The following PLPPR3 variants were observed in gnomAD, a reference collection of about 807,000 sequenced individuals.
PLPPR3 encodes phospholipid phosphatase related 3.
In PLPPR3, 14 loss-of-function variants were observed where a neutral mutation model predicts 27.3. The observed-to-expected ratio is 0.51, with a 90% confidence interval of 0.34 to 0.80. The LOEUF (loss-of-function observed/expected upper bound fraction) is 0.80, where lower values mean the gene tolerates loss of function less well. Among genes scored for constraint, PLPPR3 ranks in the 30% least tolerant of loss-of-function variants. The pLI is 0.01. For missense variants in PLPPR3, 1,287 were observed against 1,056.9 expected, an observed-to-expected ratio of 1.22 and a Z score of -3.02; for synonymous variants, 671 against 508.0, an observed-to-expected ratio of 1.32 and a Z score of -4.32.
chr19:820,636 C>T (rs1372105687), intron 2 of PLPPR3, among the ~76,000 whole-genome samples: 1 of 152,204 alleles, frequency 6.6e-6, no homozygotes, highest in Non-Finnish European at 1.5e-5. Flanking sequence ...TCTCCTGCCC[C>T]AGCCTCCCGA....
rs1355169088 is a variant in PLPPR3, at chr19:813,460, G to T, written c.1267C>A (p.Leu423Met). 4.6e-6 allele frequency: 7 copies of T among 1,534,894 alleles called. No individual in the cohort carries two copies. The highest frequency in any genetic ancestry group is 5.2e-6 in the Non-Finnish European group (6 of 1,145,408). The part of the protein sequence containing the change: ...QKSLEGRGLG[L>M]PDDASPGHLR... Reference sequence around the variant, plus strand: ...TGCCCGGGGCTGGCGTCGTCGGGCAGCCCCAGGCCGCGGCCCTCCAGGCTC... The same window carrying T: ...TGCCCGGGGCTGGCGTCGTCGGGCATCCCCAGGCCGCGGCCCTCCAGGCTC... Residue 423 changes from leucine to methionine, a missense_variant, in exon 8 of 8, where the codon CTG (leucine) becomes ATG (methionine). Leu to Met is a conservative substitution (Grantham distance 15, BLOSUM62 2). Transcript: ENST00000520876. This position sits in a 1 kb window ranked among gnomAD's most constrained non-coding sequence, Gnocchi z 4.1.
intron 2 of PLPPR3, among the ~76,000 whole-genome samples, chr19:818,416 T>C (rs560688112): frequency 6.6e-5 from 10 of 151,598 alleles, no homozygotes; most frequent in African/African-American, 2.4e-4. Context: ...ATAATAATAA[T>C]AAGGCCGACC....
Position 813,794 on chromosome 19 carries a change from G to C in PLPPR3, c.933C>G (p.His311Gln), listed in dbSNP as rs748738596. ...ACTTATTCTGCTGATAAACCGAGTC[G>C]TGGCCCCGCTGCGTCAGGGCCCGCA... ...DALRALTQRG[H>Q]DSVYQQNKSV... Residue 311 changes from histidine (H) to glutamine (Q), a missense_variant, in exon 8 of 8, where the codon CAC becomes CAG. His to Gln is a conservative substitution (Grantham distance 24). Transcript: ENST00000520876. This position sits in a 1 kb window ranked among gnomAD's most constrained non-coding sequence, Gnocchi z 4.1. The C allele has an allele frequency of 2.3e-5, 35 of 1,525,124 alleles. No individual in the cohort carries two copies. The highest frequency in any genetic ancestry group is 1.2e-4 in the East Asian group (5 of 40,112). 94.5% of individuals were successfully genotyped at this position (1,525,124 alleles called of 1,614,324 possible).
At chr19:815,449 C>T (rs1337821931) in intron 3 of PLPPR3, 122 bp from the exon 4 acceptor site, 26 of 1,135,268 alleles carry the variant, frequency 2.3e-5, no homozygotes, top group Middle Eastern at 3.0e-4. Context: ...ACCGAGGTGG[C>T]GGGGGTGGGC....
At position 813,025 on chromosome 19, in the gene PLPPR3, G is replaced by A. The variant is rs1211017597; in HGVS notation, c.1702C>T (p.Gln568Ter). Residue 568 changes from glutamine to a stop codon, truncating the protein, a stop_gained, in exon 8 of 8, where the codon CAG becomes TAG. Coordinates refer to ENST00000520876, the MANE Select transcript of PLPPR3 (RefSeq NM_001270366.2). LOFTEE classifies it low-confidence loss of function (END_TRUNC). This position sits in a 1 kb window ranked among gnomAD's most constrained non-coding sequence, Gnocchi z 4.1. ...TCGCGGTCCGACGGCGACCGGTACT[G>A]CGAGGAGTCGGAGCTGGCGCTGGAC... ...SSSSASSDSS[Q>*]YRSPSDRDSA... 3.3e-6 allele frequency: 5 copies of A among 1,519,406 alleles called. No homozygotes were observed. The highest frequency in any genetic ancestry group is 5.3e-5 in the East Asian group (2 of 37,648). The allele number at this position is 1,519,406 out of a possible 1,614,324, so 94.1% of individuals were successfully genotyped here.
In PLPPR3 at chr19:813,745, G is replaced by A; in HGVS notation, c.982C>T (p.Pro328Ser). The A allele has an allele frequency of 6.6e-7, 1 of 1,526,204 alleles. No individual in the cohort carries two copies. The highest frequency in any genetic ancestry group is 8.8e-7 in the Non-Finnish European group (1 of 1,142,484). The allele number at this position is 1,526,204 out of a possible 1,614,324, so 94.5% of individuals were successfully genotyped here. A position where few individuals can be genotyped will look rare whatever the true frequency, so the allele number is the denominator to read the frequency against. ...NKSVSTDELGPPGRLEGAPRP... is the reference protein window; with the variant it reads ...NKSVSTDELGSPGRLEGAPRP... Reference sequence around the variant, plus strand: ...GGCGCGCCCTCCAGCCGCCCTGGGGGCCCCAGCTCGTCGGTGCTCACCGAC... The same window carrying A: ...GGCGCGCCCTCCAGCCGCCCTGGGGACCCCAGCTCGTCGGTGCTCACCGAC... Residue 328 changes from proline to serine, a missense_variant, in exon 8 of 8, where the codon CCC becomes TCC. Pro to Ser is a moderately conservative substitution (Grantham distance 74, BLOSUM62 -1). Coordinates refer to ENST00000520876, the MANE Select transcript of PLPPR3 (RefSeq NM_001270366.2). The surrounding 1 kb of genome is among the most constrained non-coding windows in gnomAD (Gnocchi z 4.1).
rs567480441 is a variant in PLPPR3 at position 815,265 on chromosome 19, C to A, written c.324G>T (p.Gly108=). 43 of 1,560,230 alleles carry A rather than the reference C, an allele frequency of 2.8e-5. No individual in the cohort carries two copies. Among genetic ancestry groups the A allele is most frequent in the Non-Finnish European group, 3.5e-5 (41 of 1,155,272 alleles). The change falls in exon 4 of 8, where the codon GGG becomes GGT. Residue 108 remains glycine (G), a synonymous_variant. Transcript: ENST00000520876. ...LQSRLWGRAG[G]PAGAEGSINA... The stretch of plus-strand genomic sequence containing the variant: ...TGATGCTGCCCTCCGCCCCGGCGGG[C>A]CCCCCGGCACGGCCCCACAGCCGGG...
chr19:814,644 A>G (rs779313011), intron 6 of PLPPR3, 37 bp from the exon 7 acceptor site: 9 of 1,610,106 alleles, frequency 5.6e-6, no homozygotes, highest in East Asian at 2.2e-5. Context: ...AGGGCTCCCC[A>G]CGGGTCAGCA....
chr19:813,279 A>G lies in PLPPR3; in HGVS notation c.1448T>C (p.Ile483Thr). Residue 483 changes from isoleucine to threonine, a missense_variant, in exon 8 of 8, where the codon ATC (isoleucine) becomes ACC (threonine). By Grantham distance (89) the Ile-to-Thr change is moderately conservative. Coordinates refer to ENST00000520876, the MANE Select transcript of PLPPR3 (RefSeq NM_001270366.2). The surrounding 1 kb of genome is among the most constrained non-coding windows in gnomAD (Gnocchi z 4.1). ...CGGCGGCCCCGCGCGCGGTGGGAGG[A>G]TGACCCGAGGCCCCAGCCCCGGCCG... ...QARPGLGPRV[I>T]LPPRAGPPPL... is the part of the protein sequence containing the mutation. 6.8e-7 allele frequency: 1 copy of G among 1,474,374 alleles called. No homozygotes were observed. Among genetic ancestry groups the G allele is most frequent in the Non-Finnish European group, 8.9e-7 (1 of 1,123,394 alleles). 91.3% of individuals were successfully genotyped at this position (1,474,374 alleles called of 1,614,324 possible).
At chr19:819,232 C>G (rs1367176504) in intron 2 of PLPPR3, among the ~76,000 whole-genome samples, 1 of 104,838 alleles carries the variant, frequency 9.5e-6, no homozygotes, top group Non-Finnish European at 1.8e-5. Flanking sequence ...CCGTCCCGGC[C>G]TCCCAAAGTG....
intron 3 of PLPPR3, 125 bp from the exon 4 acceptor site, chr19:815,452 G>A (rs1419984872): frequency 9.0e-7 from 1 of 1,113,026 alleles, no homozygotes; most frequent in Admixed American, 2.9e-5. Context: ...GAGGTGGCGG[G>A]GGTGGGCTCC....
At chr19:823,450 A>AAAAAAAAAAAAAC (rs111454578), upstream of PLPPR3, among the ~76,000 whole-genome samples, 900 of 143,796 alleles carry the variant, frequency 6.3e-3, 12 homozygotes, top group African/African-American at 0.02. Context: ...TCAAAAAAAA[A>AAAAAAAAAAAAAC]AAAAAAAACA....
rs1318479870 is a variant in PLPPR3 at position 813,173 on chromosome 19, C to T, written c.1554G>A (p.Lys518=). 2.0e-6 allele frequency: 3 copies of T among 1,518,518 alleles called. No individual in the cohort carries two copies. The highest frequency in any genetic ancestry group is 2.6e-6 in the Non-Finnish European group (3 of 1,143,920). The allele number at this position is 1,518,518 out of a possible 1,614,324, so 94.1% of individuals were successfully genotyped here. A position where few individuals can be genotyped will look rare whatever the true frequency, so the allele number is the denominator to read the frequency against. ...SPKSGAGVRA[K]WLMMAEKSGA... ...CGCTCTTCTCGGCCATCATGAGCCA[C>T]TTGGCGCGCACCCCGGCGCCGCTTT... The change falls in exon 8 of 8, where the codon AAG becomes AAA. Residue 518 remains lysine, a synonymous_variant. Transcript: ENST00000520876. This position sits in a 1 kb window ranked among gnomAD's most constrained non-coding sequence, Gnocchi z 4.1.
In PLPPR3 at chr19:815,090, C is replaced by A; in HGVS notation, c.404-9G>T. 1 of 1,602,512 alleles carries A rather than the reference C, an allele frequency of 6.2e-7. No individual in the cohort carries two copies. ...GCCGAACACGTGGACACCTGCAGGGCGGAAGGCTCGGCCAGGCGGGGAGCT... is the reference window on the plus strand; with the variant it reads ...GCCGAACACGTGGACACCTGCAGGGAGGAAGGCTCGGCCAGGCGGGGAGCT... On this transcript the variant is annotated splice_polypyrimidine_tract_variant and intron_variant, in intron 4 of 7. Transcript: ENST00000520876.
chr19:816,397 A>G, intron 2 of PLPPR3, among the ~76,000 whole-genome samples: 2 of 47,714 alleles, frequency 4.2e-5, no homozygotes, highest in African/African-American at 1.4e-4. Context: ...CCCACCCATC[A>G]TCCATCCACC....
chr19:822,532 AC>A (rs1467541389), upstream of PLPPR3, among the ~76,000 whole-genome samples: 3 of 151,284 alleles, frequency 2.0e-5, no homozygotes, highest in African/African-American at 7.3e-5. Context: ...CCCCGCACTC[AC>A]CCTCGCCCCC....
rs915108784 is a variant in PLPPR3 at position 814,626 on chromosome 19, G to A, written c.658-19C>T. On this transcript the variant is annotated intron_variant, in intron 6 of 7. Transcript: ENST00000520876. ...AGTACATCTGGGGCATGGGGGTTGG[G>A]GTCAGGGAGGGCTCCCCACGGGTCA... 4.7e-5 allele frequency: 75 copies of A among 1,611,218 alleles called. No homozygotes were observed. The highest frequency in any genetic ancestry group is 6.2e-5 in the Non-Finnish European group (73 of 1,179,970).
At chr19:819,279 CTTTTTT>C (rs1252377454) in intron 2 of PLPPR3, among the ~76,000 whole-genome samples, 1 of 60,988 alleles carries the variant, frequency 1.6e-5, no homozygotes, top group Admixed American at 2.0e-4. Context: ...ACCCAGCCTA[CTTTTTT>C]TTTTTTTTTT....
Position 813,296 on chromosome 19 carries a change from C to A in PLPPR3, c.1431G>T (p.Gly477=). 2 of 1,464,070 alleles carry A rather than the reference C, an allele frequency of 1.4e-6. No homozygotes were observed. The allele number at this position is 1,464,070 out of a possible 1,614,324, so 90.7% of individuals were successfully genotyped here. A position where few individuals can be genotyped will look rare whatever the true frequency, so the allele number is the denominator to read the frequency against. ...GTGGGAGGATGACCCGAGGCCCCAG[C>A]CCCGGCCGCGCCTGCACGGTGGGGT... The part of the protein sequence containing the change: ...SLYPTVQARP[G]LGPRVILPPR... Residue 477 remains glycine, a synonymous_variant, in exon 8 of 8, where the codon GGG becomes GGT. Transcript: ENST00000520876. The surrounding 1 kb of genome is among the most constrained non-coding windows in gnomAD (Gnocchi z 4.1).
Sources: gnomAD v4.1 joint callset for allele counts (sites outside exome capture counted in the v4.1 genomes callset) on GRCh38, gnomAD v4.1.1 for gene constraint, Gnocchi (gnomAD v3.1) non-coding constraint, MANE v1.5 for transcripts, NCBI Gene and HGNC (gene_info 2026-07-23, HGNC 2026-07-21) for gene names.